TMEM132D: variants seen among roughly 807,000 people sequenced by gnomAD.
TMEM132D encodes the protein mature OL transmembrane protein.
Under a neutral mutation model 62.3 loss-of-function variants are expected in TMEM132D, and 21 were observed. The ratio of observed to expected loss-of-function variants is 0.34; its 90% CI spans 0.24 to 0.49. The LOEUF (loss-of-function observed/expected upper bound fraction) is 0.49. Among genes scored for constraint, TMEM132D ranks in the 20% least tolerant of loss-of-function variants. The pLI is 0.99. For missense variants in TMEM132D, 1,346 were observed against 1,402.8 expected (o/e 0.96, Z 0.65); for synonymous variants, 621 against 575.6 (o/e 1.08, Z -1.13).
intron 4 of TMEM132D, among the ~76,000 whole-genome samples, chr12:129,316,464 C>A (rs1436054769): frequency 6.6e-6 from 1 of 152,080 alleles, no homozygotes; most frequent in Non-Finnish European, 1.5e-5. Context: ...TAGTAGGTTT[C>A]TTTTGGAGTT....
rs151271937 is a variant in TMEM132D, at chr12:129,551,301, C to T, written c.969-20096G>A. On this transcript the variant is annotated intron_variant, in intron 2 of 8. Transcript: ENST00000422113. The stretch of plus-strand genomic sequence containing the variant: ...TAAGTTTGTGTGCTTTGCTATGCAG[C>T]GAGCAAAAGTGGAACAACAGTGTTC... Among the ~76,000 whole-genome samples the T allele has an allele frequency of 1.6e-3, 247 of 152,292 alleles. 1 individual carries two copies. The highest frequency in any genetic ancestry group is 5.3e-3 in the African/African-American group (222 of 41,556).
At chr12:129,169,256 C>T (rs1877648499) in intron 5 of TMEM132D, among the ~76,000 whole-genome samples, 2 of 152,190 alleles carry the variant, frequency 1.3e-5, no homozygotes, top group Admixed American at 6.5e-5. Flanking sequence ...CTGAGAAGAA[C>T]CATTGGAGCA....
intron 1 of TMEM132D, among the ~76,000 whole-genome samples, chr12:129,760,234 G>A (rs1870308194): frequency 6.6e-6 from 1 of 151,084 alleles, no homozygotes; most frequent in Non-Finnish European, 1.5e-5. Context: ...CACACGGGAA[G>A]TCTGCCTTTC....
At chr12:129,474,654 T>C (rs1009966572) in intron 3 of TMEM132D, among the ~76,000 whole-genome samples, 5 of 152,204 alleles carry the variant, frequency 3.3e-5, no homozygotes, top group African/African-American at 1.2e-4. Context: ...GAATATCCCA[T>C]TGACGTGGAT....
intron 1 of TMEM132D, among the ~76,000 whole-genome samples, chr12:129,730,738 A>T (rs1869204836): frequency 6.6e-6 from 1 of 151,978 alleles, no homozygotes; most frequent in African/African-American, 2.4e-5. Context: ...CGGCTGGGAT[A>T]AAAACAGGCA....
chr12:129,579,595 C>A (rs1257048333), intron 2 of TMEM132D, among the ~76,000 whole-genome samples: 5 of 152,180 alleles, frequency 3.3e-5, no homozygotes, highest in African/African-American at 1.2e-4. Flanking sequence ...ACCCTGGAGT[C>A]TGATGTTCGA....
intron 8 of TMEM132D, among the ~76,000 whole-genome samples, chr12:129,075,581 G>GT (rs58256780): frequency 0.16 from 24,968 of 152,218 alleles, 2,366 homozygotes; most frequent in African/African-American, 0.25. Context: ...GCAGGCTGTG[G>GT]TTTTGCCAGC....
At position 129,418,841 on chromosome 12, in the gene TMEM132D, T is replaced by C. The variant is rs59650420; in HGVS notation, c.1116-81024A>G. Among the ~76,000 whole-genome samples, 1,178 of 152,272 alleles carry C rather than the reference T, an allele frequency of 7.7e-3. 15 individuals carry two copies. The highest frequency in any genetic ancestry group is 0.027 in the African/African-American group (1,113 of 41,552). On this transcript the variant is annotated intron_variant, in intron 3 of 8. Coordinates refer to ENST00000422113, the MANE Select transcript of TMEM132D (RefSeq NM_133448.3). Reference sequence around the variant, plus strand: ...GTTCCAAATCAACAGTCAGTGTTCCTATACGAAGGCCAGGTAAAGATGCAG... The same window carrying C: ...GTTCCAAATCAACAGTCAGTGTTCCCATACGAAGGCCAGGTAAAGATGCAG...
intron 1 of TMEM132D, among the ~76,000 whole-genome samples, chr12:129,815,416 T>C (rs367637415): frequency 1.3e-5 from 2 of 152,338 alleles, no homozygotes; most frequent in Middle Eastern, 3.4e-3. Flanking sequence ...GAATAGAATG[T>C]AGAATGTAGC....
intron 3 of TMEM132D, among the ~76,000 whole-genome samples, chr12:129,527,204 G>A (rs1321902348): frequency 2.0e-5 from 3 of 152,150 alleles, no homozygotes; most frequent in African/African-American, 7.2e-5. Context: ...AGCTACTTGG[G>A]TGGCTGAGGC....
rs1258823010 is a variant in TMEM132D at position 129,389,960 on chromosome 12, C to T, written c.1116-52143G>A. On this transcript the variant is annotated intron_variant, in intron 3 of 8. Transcript: ENST00000422113. ...CTACCACGGGCAGTTTGAGCTGTGC[C>T]TTCATCGCACTGACTCGTTTCTAGG... 5.3e-5 allele frequency among the ~76,000 whole-genome samples: 8 copies of T among 152,310 alleles called. No homozygotes were observed. In the East Asian group the frequency reaches 5.8e-4, roughly 11 times the overall value.
At chr12:129,746,915 C>G (rs1476401427) in intron 1 of TMEM132D, among the ~76,000 whole-genome samples, 2 of 152,100 alleles carry the variant, frequency 1.3e-5, no homozygotes, top group Non-Finnish European at 2.9e-5. Context: ...AATTTATCAC[C>G]CAATCCTATC....
intron 1 of TMEM132D, among the ~76,000 whole-genome samples, chr12:129,854,101 C>T (rs1339020516): frequency 6.6e-6 from 1 of 152,172 alleles, no homozygotes; most frequent in Non-Finnish European, 1.5e-5. Flanking sequence ...TTTCACCCCA[C>T]GTTTCCCATG....
chr12:129,133,733 C>G (rs570399836), intron 5 of TMEM132D, among the ~76,000 whole-genome samples: 2 of 152,252 alleles, frequency 1.3e-5, no homozygotes, highest in Non-Finnish European at 1.5e-5. Context: ...GGTGGGCCCC[C>G]AGTCCCTGCA....
intron 1 of TMEM132D, among the ~76,000 whole-genome samples, chr12:129,725,224 C>A (rs1210012933): frequency 6.6e-6 from 1 of 152,142 alleles, no homozygotes; most frequent in Non-Finnish European, 1.5e-5. Flanking sequence ...TTAATAAGCT[C>A]ATTGCAGTTA....
At chr12:129,601,886 T>C (rs1291454445) in intron 2 of TMEM132D, among the ~76,000 whole-genome samples, 2 of 152,222 alleles carry the variant, frequency 1.3e-5, no homozygotes, top group African/African-American at 4.8e-5. Context: ...TGACATGAGC[T>C]CATGCTGTTG....
intron 3 of TMEM132D, among the ~76,000 whole-genome samples, chr12:129,440,983 G>C (rs571681237): frequency 1.0e-3 from 159 of 152,252 alleles, no homozygotes; most frequent in African/African-American, 3.7e-3. Context: ...ACCAATTATC[G>C]TTGAGGTCTT....
At chr12:129,165,707 T>A (rs887982107) in intron 5 of TMEM132D, among the ~76,000 whole-genome samples, 3 of 151,748 alleles carry the variant, frequency 2.0e-5, no homozygotes, top group African/African-American at 7.3e-5. Context: ...ACAAAAGAGA[T>A]ACTCTGCCAT....
intron 2 of TMEM132D, among the ~76,000 whole-genome samples, chr12:129,642,700 C>T (rs899291663): frequency 3.3e-5 from 5 of 152,138 alleles, no homozygotes; most frequent in African/African-American, 9.7e-5. Flanking sequence ...CAAATAAACC[C>T]TTCAAGATTT....
Sources: gnomAD v4.1 joint callset for allele counts (sites outside exome capture counted in the v4.1 genomes callset) on GRCh38, gnomAD v4.1.1 for gene constraint, MANE v1.5 for transcripts, NCBI Gene and HGNC (gene_info 2026-07-23, HGNC 2026-07-21) for gene names.